Variants in TADA2A observed in about 807,000 individuals in gnomAD.
TADA2A encodes transcriptional adapter 2-alpha.
Under a neutral mutation model 67.4 loss-of-function variants are expected in TADA2A, and 38 were observed. The ratio of observed to expected loss-of-function variants is 0.56; its 90% CI spans 0.44 to 0.74. The LOEUF (loss-of-function observed/expected upper bound fraction) is 0.74, where lower values mean the gene tolerates loss of function less well. Among genes scored for constraint, TADA2A ranks in the 30% least tolerant of loss-of-function variants. TADA2A has a pLI of 0.00. For synonymous variants in TADA2A, 192 were observed against 181.6 expected (o/e 1.06, Z -0.46); for missense variants, 454 against 547.0 (o/e 0.83, Z 1.70).
chr17:37,445,001 A>G (rs1419766795), intron 8 of TADA2A, among the ~76,000 whole-genome samples: 1 of 152,164 alleles, frequency 6.6e-6, no homozygotes, highest in Non-Finnish European at 1.5e-5. Flanking sequence ...TATCTGTTGG[A>G]CTGTGTGATT....
chr17:37,471,696 C>T (rs1013600767), intron 14 of TADA2A, among the ~76,000 whole-genome samples: 1 of 151,868 alleles, frequency 6.6e-6, no homozygotes, highest in African/African-American at 2.4e-5. Flanking sequence ...TTGGTAGGGA[C>T]GGTTTTGCCA....
chr17:37,427,324 AC>A (rs1476884760), intron 4 of TADA2A, among the ~76,000 whole-genome samples: 1 of 152,166 alleles, frequency 6.6e-6, no homozygotes, highest in African/African-American at 2.4e-5. Context: ...TGCTTTTTAA[AC>A]TCATTGATAA....
At chr17:37,423,756 T>C (rs890616817) in intron 3 of TADA2A, 141 bp downstream of exon 3, 4 of 591,634 alleles carry the variant, frequency 6.8e-6, no homozygotes, top group African/African-American at 3.9e-5. Flanking sequence ...TTCTTTCTTT[T>C]TTTTTTTTTT....
chr17:37,422,826 A>G (rs1251779661), intron 2 of TADA2A, among the ~76,000 whole-genome samples: 1 of 152,156 alleles, frequency 6.6e-6, no homozygotes, highest in Non-Finnish European at 1.5e-5. Context: ...TATGCTTGCT[A>G]CCTAGATTCA....
intron 8 of TADA2A, among the ~76,000 whole-genome samples, chr17:37,450,219 T>G (rs1487371763): frequency 1.3e-5 from 2 of 152,196 alleles, no homozygotes; most frequent in Non-Finnish European, 2.9e-5. Flanking sequence ...GTTGCTTACT[T>G]TAGCCATTAG....
At chr17:37,462,232 A>G (rs2053562492) in intron 10 of TADA2A, 111 bp downstream of exon 10, 6 of 708,752 alleles carry the variant, frequency 8.5e-6, no homozygotes, top group South Asian at 3.8e-5. Flanking sequence ...TAGCCTGGCT[A>G]TCACTCCAGA....
intron 4 of TADA2A, among the ~76,000 whole-genome samples, chr17:37,431,168 A>G (rs1383791650): frequency 1.3e-5 from 2 of 152,134 alleles, no homozygotes; most frequent in African/African-American, 2.4e-5. Context: ...AAGTTCAGAT[A>G]TACACAAGAG....
chr17:37,415,566 G>A (rs2052016115), intron 2 of TADA2A, among the ~76,000 whole-genome samples: 1 of 152,042 alleles, frequency 6.6e-6, no homozygotes, highest in African/African-American at 2.4e-5. Context: ...GTACTATTTT[G>A]TATTCCCACC....
At chr17:37,452,968 T>C (rs2053274230) in intron 8 of TADA2A, among the ~76,000 whole-genome samples, 1 of 152,220 alleles carries the variant, frequency 6.6e-6, no homozygotes, top group South Asian at 2.1e-4. Flanking sequence ...AAATACTGCA[T>C]TTCCTCCCTT....
chr17:37,458,864 T>TA (rs986560904), intron 9 of TADA2A, among the ~76,000 whole-genome samples: 27 of 151,968 alleles, frequency 1.8e-4, no homozygotes, highest in African/African-American at 4.8e-4. Context: ...TTTTTGTAGA[T>TA]ACGGGGTTTT....
At chr17:37,414,068 T>G (rs1459863833) in intron 2 of TADA2A, among the ~76,000 whole-genome samples, 3 of 152,124 alleles carry the variant, frequency 2.0e-5, no homozygotes, top group African/African-American at 7.2e-5. Flanking sequence ...TCTCTTCCTG[T>G]GTTAGTTTGC....
rs139156707 is a variant in TADA2A at position 37,441,409 on chromosome 17, C to T, written c.442+747C>T. Among the ~76,000 whole-genome samples, 424 of 152,166 alleles carry T rather than the reference C, an allele frequency of 2.8e-3. 1 individual carries two copies. The highest frequency in any genetic ancestry group is 9.9e-3 in the African/African-American group (410 of 41,504). ...TATTATTAATTGCCTTGGTGTCAAG[C>T]CCAAGAATCAGTTTGTTATTTTTGT... On this transcript the variant is annotated intron_variant, in intron 6 of 15. Coordinates refer to ENST00000615182, the MANE Select transcript of TADA2A (RefSeq NM_001166105.3).
chr17:37,451,941 G>A (rs908665180), intron 8 of TADA2A, among the ~76,000 whole-genome samples: 2 of 152,162 alleles, frequency 1.3e-5, no homozygotes, highest in Admixed American at 6.5e-5. Flanking sequence ...CCAAGACTGC[G>A]CTGTTGCACT....
At chr17:37,429,045 CAAAAAAA>C (rs375811520) in intron 4 of TADA2A, among the ~76,000 whole-genome samples, 5 of 109,614 alleles carry the variant, frequency 4.6e-5, no homozygotes, top group African/African-American at 1.6e-4. Context: ...GACTCCGTCT[CAAAAAAA>C]AAAAAAAAAG....
chr17:37,455,118 A>C (rs779972276), intron 8 of TADA2A, among the ~76,000 whole-genome samples: 12 of 152,236 alleles, frequency 7.9e-5, no homozygotes, highest in Admixed American at 2.0e-4. Flanking sequence ...CTCAACTTAC[A>C]CAAAGCTTAA....
chr17:37,435,213 A>T (rs2052686191), intron 4 of TADA2A, among the ~76,000 whole-genome samples: 1 of 152,244 alleles, frequency 6.6e-6, no homozygotes, highest in Non-Finnish European at 1.5e-5. Context: ...CTTGTAAGAT[A>T]CAACACATGA....
intron 1 of TADA2A, among the ~76,000 whole-genome samples, chr17:37,410,596 A>G (rs1478604498): frequency 3.3e-5 from 5 of 152,198 alleles, no homozygotes; most frequent in Non-Finnish European, 5.9e-5. Flanking sequence ...ATTAAAGTTT[A>G]TTAAAGAGAG....
chr17:37,425,206 A>C (rs2052369152), intron 3 of TADA2A, among the ~76,000 whole-genome samples: 1 of 152,146 alleles, frequency 6.6e-6, no homozygotes, highest in South Asian at 2.1e-4. Context: ...AAGTTAATTT[A>C]AAGTATTGAA....
chr17:37,413,523 G>GTA (rs910379605), intron 2 of TADA2A, among the ~76,000 whole-genome samples: 35 of 151,604 alleles, frequency 2.3e-4, no homozygotes, highest in African/African-American at 7.5e-4. Context: ...CTGTGTGTGT[G>GTA]TATATATATG....
Sources: gnomAD v4.1 joint callset for allele counts (sites outside exome capture counted in the v4.1 genomes callset) on GRCh38, gnomAD v4.1.1 for gene constraint, MANE v1.5 for transcripts, NCBI Gene and HGNC (gene_info 2026-07-23, HGNC 2026-07-21) for gene names.